ZNF33A: variants seen among roughly 807,000 people sequenced by gnomAD.
The protein encoded by ZNF33A is zinc finger protein 33A, also known as brain my041 protein.
Under a neutral mutation model 15.9 loss-of-function variants are expected in ZNF33A, and 9 were observed. The ratio of observed to expected loss-of-function variants is 0.57; its 90% CI spans 0.34 to 0.99. The LOEUF is 0.99. Ranked by LOEUF, ZNF33A falls within the 50% of genes least tolerant of loss-of-function variation. The probability of loss-of-function intolerance (pLI) is 0.02; values close to 1 mark genes in which losing one functional copy is unlikely to be tolerated. For synonymous variants in ZNF33A, 294 were observed against 324.2 expected (o/e 0.91, Z 1.00); for missense variants, 843 against 941.6 (o/e 0.90, Z 1.37).
At chr10:38,040,985 T>C (rs939226426) in intron 4 of ZNF33A, among the ~76,000 whole-genome samples, 2 of 152,332 alleles carry the variant, frequency 1.3e-5, no homozygotes, top group Admixed American at 6.5e-5. Flanking sequence ...TTGACTATTA[T>C]CAGGATGTAA....
chr10:38,034,990 T>TA (rs1230850597), intron 4 of ZNF33A, among the ~76,000 whole-genome samples: 2 of 152,136 alleles, frequency 1.3e-5, no homozygotes, highest in African/African-American at 2.4e-5. Flanking sequence ...TGTTTATACT[T>TA]ATATTCTTCA....
intron 4 of ZNF33A, among the ~76,000 whole-genome samples, chr10:38,042,503 C>CTTTTTTTTTTTTTTTTTCTT (rs34942508): frequency 7.4e-6 from 1 of 135,506 alleles, no homozygotes; most frequent in Non-Finnish European, 1.6e-5. Flanking sequence ...TTGCTTTATT[C>CTTTTTTTTTTTTTTTTTCTT]TTTTTTTTTT....
chr10:38,063,987 G>A (rs2066685626), downstream of ZNF33A: 1 of 1,144,560 alleles, frequency 8.7e-7, no homozygotes, highest in Non-Finnish European at 1.3e-6. Context: ...AGTGCATTCT[G>A]TAGGAAAACA....
At chr10:38,025,603 A>G (rs2064951305) in intron 4 of ZNF33A, among the ~76,000 whole-genome samples, 1 of 152,252 alleles carries the variant, frequency 6.6e-6, no homozygotes, top group African/African-American at 2.4e-5. Flanking sequence ...CTGATCTCAG[A>G]CTTCCAGCAT....
chr10:38,067,081 A>G (rs1315422780), downstream of ZNF33A, among the ~76,000 whole-genome samples: 2 of 152,210 alleles, frequency 1.3e-5, no homozygotes, highest in Admixed American at 6.5e-5. Flanking sequence ...ATTACAACCT[A>G]TCATGATCAT....
rs751467898 is a variant in ZNF33A at position 38,010,726 on chromosome 10, G to T, written c.-102G>T. On this transcript the variant is annotated 5_prime_UTR_variant, in exon 1 of 5. Transcript: ENST00000432900. ...CAGGTTTTGCGTGGGAGGCGGTCCC[G>T]GGATTTCAAGGGTCTACGCGCTTTT... The T allele has an allele frequency of 6.3e-7, 1 of 1,598,422 alleles. No homozygotes were observed. Among genetic ancestry groups the T allele is most frequent in the South Asian group, 1.1e-5 (1 of 91,084 alleles).
intron 4 of ZNF33A, among the ~76,000 whole-genome samples, chr10:38,019,290 C>T (rs2064622357): frequency 6.6e-6 from 1 of 151,530 alleles, no homozygotes; most frequent in African/African-American, 2.4e-5. Context: ...CCAGTTTCAT[C>T]CATGTCCCTA....
chr10:38,062,970 T>C (rs2066671602), downstream of ZNF33A, among the ~76,000 whole-genome samples: 1 of 115,886 alleles, frequency 8.6e-6, no homozygotes, highest in Non-Finnish European at 1.6e-5. Flanking sequence ...GCCGCTGCAC[T>C]CCAGCCTGGA....
chr10:38,044,748 A>G (rs749891492), intron 4 of ZNF33A, among the ~76,000 whole-genome samples: 12 of 151,642 alleles, frequency 7.9e-5, no homozygotes, highest in Non-Finnish European at 1.8e-4. Flanking sequence ...GCTCACTGCA[A>G]CCTCCGCCTC....
At chr10:38,038,544 A>C (rs1190380933) in intron 4 of ZNF33A, among the ~76,000 whole-genome samples, 3 of 152,164 alleles carry the variant, frequency 2.0e-5, no homozygotes. Context: ...AGTCAACTGC[A>C]AATACAGATA....
rs558747406 is a variant in ZNF33A at position 38,026,287 on chromosome 10, C to CT, written c.250+8906dup. On this transcript the variant is annotated intron_variant, in intron 4 of 4. Coordinates refer to ENST00000432900, the MANE Select transcript of ZNF33A (RefSeq NM_006954.2). ...TCTTTTATCAAAGTATTTCTTTTAG[C>CT]TTTTTGGGGTACCACTGAATTATTT... Among the ~76,000 whole-genome samples the CT allele has an allele frequency of 2.0e-4, 31 of 151,580 alleles. 1 individual carries two copies. Among genetic ancestry groups the CT allele is most frequent in the Admixed American group, 1.8e-3 (28 of 15,154 alleles).
At chr10:38,065,323 G>A (rs975311570), downstream of ZNF33A, among the ~76,000 whole-genome samples, 13 of 152,198 alleles carry the variant, frequency 8.5e-5, no homozygotes, top group African/African-American at 3.1e-4. Context: ...CACCCGCCTT[G>A]GCTCCCAAAG....
Position 38,056,653 on chromosome 10 carries a change from T to C in ZNF33A, c.*93T>C. On this transcript the variant is annotated 3_prime_UTR_variant, in exon 5 of 5. Transcript: ENST00000432900. ...TTATAGGACAGCTTTTGTTAGGAAG[T>C]GATATTCTATGTAATATCAGATGGT... 2 of 1,460,038 alleles carry C rather than the reference T, an allele frequency of 1.4e-6. No homozygotes were observed. The highest frequency in any genetic ancestry group is 5.1e-5 in the Admixed American group (2 of 38,984). The allele number at this position is 1,460,038 out of a possible 1,614,324, so 90.4% of individuals were successfully genotyped here. A position where few individuals can be genotyped will look rare whatever the true frequency, so the allele number is the denominator to read the frequency against.
intron 2 of ZNF33A, among the ~76,000 whole-genome samples, chr10:38,015,494 A>G (rs1291360810): frequency 6.6e-6 from 1 of 151,754 alleles, no homozygotes; most frequent in Non-Finnish European, 1.5e-5. Context: ...AATTTTTTGT[A>G]TTTTTAGTAG....
intron 4 of ZNF33A, among the ~76,000 whole-genome samples, chr10:38,033,687 C>T (rs1187272701): frequency 6.6e-6 from 1 of 151,840 alleles, no homozygotes; most frequent in Non-Finnish European, 1.5e-5. Context: ...TTTGCATTTC[C>T]CAATGGCTAG....
chr10:38,064,267 A>G, downstream of ZNF33A: 1 of 678,920 alleles, frequency 1.5e-6, no homozygotes, highest in Middle Eastern at 2.5e-4. Flanking sequence ...AAGAGACATC[A>G]GCATTCTTGC....
At chr10:38,029,719 AAC>A (rs2065132679) in intron 4 of ZNF33A, among the ~76,000 whole-genome samples, 1 of 152,214 alleles carries the variant, frequency 6.6e-6, no homozygotes, top group Non-Finnish European at 1.5e-5. Context: ...GCACAGGACT[AAC>A]AACAGGCAAC....
chr10:38,040,097 T>C (rs1270222177), intron 4 of ZNF33A, among the ~76,000 whole-genome samples: 1 of 152,062 alleles, frequency 6.6e-6, no homozygotes, highest in Non-Finnish European at 1.5e-5. Flanking sequence ...TTCCTTCTTA[T>C]TGCTTCTTTA....
Position 38,055,772 on chromosome 10 carries a change from C to A in ZNF33A, c.1648C>A (p.Gln550Lys), listed in dbSNP as rs2505232. The A allele has an allele frequency of 6.2e-7, 1 of 1,613,304 alleles. No homozygotes were observed. The highest frequency in any genetic ancestry group is 1.3e-5 in the African/African-American group (1 of 74,686). Reference sequence around the variant, plus strand: ...AGTACATCAGAGAACACACACAGGGCAGAAACCCTTTGCATGTCCCGAATG... The same window carrying A: ...AGTACATCAGAGAACACACACAGGGAAGAAACCCTTTGCATGTCCCGAATG... Reference protein sequence around the residue: ...LTVHQRTHTGQKPFACPECGK... With the variant: ...LTVHQRTHTGKKPFACPECGK... Residue 550 changes from glutamine (Q) to lysine (K), a missense_variant, in exon 5 of 5, where the codon CAG (glutamine) becomes AAG (lysine). Physicochemically the swap from Gln to Lys is moderately conservative, Grantham distance 53. Transcript: ENST00000432900.
Sources: gnomAD v4.1 joint callset for allele counts (sites outside exome capture counted in the v4.1 genomes callset) on GRCh38, gnomAD v4.1.1 for gene constraint, MANE v1.5 for transcripts, NCBI Gene and HGNC (gene_info 2026-07-23, HGNC 2026-07-21) for gene names.